Variants in ANK3 observed in about 807,000 individuals in gnomAD.
ANK3 encodes the protein ankyrin 3.
Under a neutral mutation model 370.9 loss-of-function variants are expected in ANK3, and 57 were observed. The ratio of observed to expected loss-of-function variants is 0.15; its 90% CI spans 0.12 to 0.19. The LOEUF (loss-of-function observed/expected upper bound fraction) is 0.19, where lower values mean the gene tolerates loss of function less well. ANK3 is among the 10% of genes least tolerant of loss of function. The pLI is 1.00. For synonymous variants in ANK3, 1,929 were observed against 1,946.3 expected, an observed-to-expected ratio of 0.99 and a Z score of 0.23; for missense variants, 4,439 against 5,302.1, an observed-to-expected ratio of 0.84 and a Z score of 5.06.
intron 2 of ANK3, among the ~76,000 whole-genome samples, chr10:60,601,170 A>AAGGCAC (rs367892273): frequency 0.16 from 22,632 of 139,872 alleles, 1,916 homozygotes; most frequent in East Asian, 0.23. Context: ...ACATTTATAC[A>AAGGCAC]ACGCACACAC....
At chr10:60,094,053 C>T (rs2132046146) in intron 28 of ANK3, among the ~76,000 whole-genome samples, 1 of 152,240 alleles carries the variant, frequency 6.6e-6, no homozygotes, top group African/African-American at 2.4e-5. Context: ...GAATTTCAGG[C>T]ACTGCTGTAG....
chr10:60,055,779 A>G lies in ANK3; in HGVS notation c.12944T>C (p.Ile4315Thr), dbSNP rs778163385. 8.7e-6 allele frequency: 14 copies of G among 1,614,154 alleles called. 1 individual carries two copies. The South Asian group carries it at 1.5e-4, about 18-fold the overall frequency. The change falls in exon 42 of 44, where the codon ATA becomes ACA. Residue 4315 changes from isoleucine (I) to threonine (T), a missense_variant. Transcript: ENST00000280772. Reference sequence around the variant, plus strand: ...AGGCACACAGGGTTTAGTCTCTTCTATTATAAGCTTGCTGGTTTCTTCTAG... The same window carrying G: ...AGGCACACAGGGTTTAGTCTCTTCTGTTATAAGCTTGCTGGTTTCTTCTAG... ...KSLEETSKLI[I>T]EETKPCVPVS... is the part of the protein sequence containing the mutation.
chr10:60,681,776 C>T (rs762800530), intron 1 of ANK3, among the ~76,000 whole-genome samples: 47 of 152,272 alleles, frequency 3.1e-4, no homozygotes, highest in Middle Eastern at 3.4e-3. Flanking sequence ...TACCATGGGA[C>T]TGAGTATACA....
chr10:60,430,285 C>G, intron 2 of ANK3, among the ~76,000 whole-genome samples: 1 of 152,196 alleles, frequency 6.6e-6, no homozygotes, highest in African/African-American at 2.4e-5. Flanking sequence ...GTGGGAATAC[C>G]AGCCCAGAAT....
At chr10:60,687,533 AAAACACAC>A (rs2079286110) in intron 1 of ANK3, among the ~76,000 whole-genome samples, 1 of 68,508 alleles carries the variant, frequency 1.5e-5, no homozygotes. Flanking sequence ...GGTATAAAAA[AAAACACAC>A]ACACACACAC....
chr10:60,275,518 G>T lies in ANK3; in HGVS notation c.414+3256C>A, dbSNP rs1300290506. Among the ~76,000 whole-genome samples, 4 of 152,268 alleles carry T rather than the reference G, an allele frequency of 2.6e-5. No homozygotes were observed. In the South Asian group the frequency reaches 8.3e-4, roughly 32 times the overall value. The stretch of plus-strand genomic sequence containing the variant: ...TTTTAACTAAGATGTTAAGGGTATG[G>T]TGAAAGATTTGCATTGATTCATATA... On this transcript the variant is annotated intron_variant, in intron 4 of 43. Transcript: ENST00000280772.
intron 21 of ANK3, 40 bp downstream of exon 21, chr10:60,172,268 C>G (rs778543897): frequency 6.6e-7 from 1 of 1,525,392 alleles, no homozygotes; most frequent in East Asian, 2.3e-5. Context: ...TGGCTGAAAG[C>G]TGGCTCCTAG....
intron 9 of ANK3, among the ~76,000 whole-genome samples, chr10:60,213,089 T>C (rs573932495): frequency 4.6e-5 from 7 of 152,224 alleles, no homozygotes; most frequent in South Asian, 2.1e-4. Context: ...ACCCAAACGT[T>C]AGAGAGTGTA....
chr10:60,688,221 A>G (rs2133399083), intron 1 of ANK3, among the ~76,000 whole-genome samples: 1 of 151,912 alleles, frequency 6.6e-6, no homozygotes, highest in South Asian at 2.1e-4. Context: ...AGGCACATGC[A>G]CACCTAGCTA....
rs369839125 is a variant in ANK3, at chr10:60,161,779, A to G, written c.2614+4812T>C. Reference sequence around the variant, plus strand: ...GAGGGGATGGTTAATTGGCACAAAAATACAGTTAGCTAGAAGGAATAAGAT... The same window carrying G: ...GAGGGGATGGTTAATTGGCACAAAAGTACAGTTAGCTAGAAGGAATAAGAT... On this transcript the variant is annotated intron_variant, in intron 23 of 43. Transcript: ENST00000280772. Among the ~76,000 whole-genome samples, 68 of 152,304 alleles carry G rather than the reference A, an allele frequency of 4.5e-4. 2 individuals carry two copies. In the South Asian group the frequency reaches 0.014, roughly 31 times the overall value.
intron 1 of ANK3, among the ~76,000 whole-genome samples, chr10:60,377,025 A>G (rs1307952240): frequency 5.3e-5 from 8 of 152,244 alleles, no homozygotes; most frequent in Non-Finnish European, 1.5e-5. Context: ...TACGGGCAGC[A>G]CTTTTAAACA....
chr10:60,377,535 G>A (rs2060953846), intron 1 of ANK3, among the ~76,000 whole-genome samples: 1 of 152,172 alleles, frequency 6.6e-6, no homozygotes, highest in South Asian at 2.1e-4. Flanking sequence ...TATTTAAAAA[G>A]CACTTTTTAG....
chr10:60,418,748 AAT>A (rs1274400218), intron 2 of ANK3, among the ~76,000 whole-genome samples: 3 of 151,832 alleles, frequency 2.0e-5, no homozygotes, highest in Non-Finnish European at 2.9e-5. Flanking sequence ...TCTGAAATTC[AAT>A]TTTAACTGGG....
chr10:60,249,019 C>A (rs2132595194), intron 7 of ANK3, among the ~76,000 whole-genome samples: 1 of 152,280 alleles, frequency 6.6e-6, no homozygotes, highest in Admixed American at 6.5e-5. Context: ...TAGTTCAACT[C>A]TTTCATTTTA....
chr10:60,253,087 C>A (rs1482919681), intron 7 of ANK3, among the ~76,000 whole-genome samples: 1 of 152,204 alleles, frequency 6.6e-6, no homozygotes, highest in African/African-American at 2.4e-5. Flanking sequence ...GGATAAGCTG[C>A]AAGGCCAGTG....
intron 1 of ANK3, among the ~76,000 whole-genome samples, chr10:60,718,319 C>G (rs2079817608): frequency 6.6e-6 from 1 of 152,038 alleles, no homozygotes; most frequent in African/African-American, 2.4e-5. Flanking sequence ...ACAACCTTTG[C>G]TTTTGTAATT....
chr10:60,166,730 C>G, intron 22 of ANK3, 77 bp from the exon 23 acceptor site: 1 of 1,584,800 alleles, frequency 6.3e-7, no homozygotes, highest in Non-Finnish European at 8.7e-7. Flanking sequence ...TTTCAATATT[C>G]CTGATAAACA....
chr10:60,309,526 C>A (rs1215613050), intron 1 of ANK3, among the ~76,000 whole-genome samples: 1 of 152,112 alleles, frequency 6.6e-6, no homozygotes, highest in African/African-American at 2.4e-5. Flanking sequence ...AAGAACAAGA[C>A]CTTTAAAGTT....
intron 1 of ANK3, among the ~76,000 whole-genome samples, chr10:60,365,579 A>G (rs1326523773): frequency 6.6e-6 from 1 of 152,218 alleles, no homozygotes; most frequent in African/African-American, 2.4e-5. Flanking sequence ...AGAAACTTTA[A>G]AAGTCTCAAC....
Sources: allele counts gnomAD v4.1 joint callset (sites outside exome capture counted in the v4.1 genomes callset), GRCh38; gene constraint gnomAD v4.1.1; transcripts MANE v1.5; gene names NCBI Gene and HGNC (gene_info 2026-07-23, HGNC 2026-07-21).